Variants in ZNF383 observed in about 807,000 individuals in gnomAD.
ZNF383 encodes zinc finger protein 383.
ZNF383 carries 32 observed loss-of-function variants against 44.2 expected under a neutral mutation model. The observed-to-expected ratio is 0.72, with a 90% CI of 0.55 to 0.97. The LOEUF is 0.97. ZNF383 is among the 50% of genes least tolerant of loss of function. The pLI, the probability that ZNF383 is intolerant of heterozygous loss-of-function variation, is 0.00. For missense variants in ZNF383, 487 were observed against 562.5 expected (o/e 0.87, Z 1.36); for synonymous variants, 155 against 186.2 (o/e 0.83, Z 1.36).
intron 5 of ZNF383, among the ~76,000 whole-genome samples, chr19:37,236,312 C>A (rs931404588): frequency 2.0e-5 from 3 of 151,854 alleles, no homozygotes; most frequent in Non-Finnish European, 4.4e-5. Flanking sequence ...CAGAAGGTAC[C>A]TTTTACTTCT....
At chr19:37,240,251 C>G (rs1974017977) in intron 5 of ZNF383, among the ~76,000 whole-genome samples, 1 of 151,986 alleles carries the variant, frequency 6.6e-6, no homozygotes, top group Non-Finnish European at 1.5e-5. Context: ...TGAGATACTC[C>G]AATAGGCTTC....
In ZNF383 at chr19:37,247,345, C is replaced by A. The variant is rs1482846139; in HGVS notation, c.*3681C>A. On this transcript the variant is annotated 3_prime_UTR_variant, in exon 6 of 6. Coordinates refer to ENST00000684119, the MANE Select transcript of ZNF383 (RefSeq NM_001387601.1). ...GATTCCAGAGGTGAAATAAGGATGA[C>A]AAATAAACAATATTGTATATGAGAA... is the stretch of plus-strand genomic sequence containing the variant. 1 of 151,876 alleles carries A rather than the reference C, an allele frequency of 6.6e-6. No homozygotes were observed. The highest frequency in any genetic ancestry group is 6.6e-5 in the Admixed American group (1 of 15,252). 9.4% of individuals were successfully genotyped at this position (151,876 alleles called of 1,614,324 possible).
intron 5 of ZNF383, among the ~76,000 whole-genome samples, chr19:37,240,007 A>C (rs1300170560): frequency 6.6e-6 from 1 of 152,068 alleles, no homozygotes; most frequent in African/African-American, 2.4e-5. Context: ...AAATACAAAA[A>C]AATTAGCCGG....
rs111482305 is a variant in ZNF383, at chr19:37,235,733, C to T, written c.136+58C>T. On this transcript the variant is annotated intron_variant, in intron 4 of 5. Transcript: ENST00000684119. ...TCCTCTGGAATGTCTCCTTCTTCCA[C>T]AGTGAATTTCTCAGCTGCTTTTCAG... 56 of 1,512,448 alleles carry T rather than the reference C, an allele frequency of 3.7e-5. 2 individuals carry two copies. The African/African-American group carries it at 6.0e-4, about 16-fold the overall frequency. The allele number at this position is 1,512,448 out of a possible 1,614,324, so 93.7% of individuals were successfully genotyped here. A position where few individuals can be genotyped will look rare whatever the true frequency, so the allele number is the denominator to read the frequency against.
At chr19:37,220,090 A>G (rs1972845506) in intron 1 of ZNF383, among the ~76,000 whole-genome samples, 1 of 152,144 alleles carries the variant, frequency 6.6e-6, no homozygotes, top group Non-Finnish European at 1.5e-5. Flanking sequence ...ACCCAGTAAT[A>G]TTTTGATCTA....
At position 37,243,561 on chromosome 19, in the gene ZNF383, G is replaced by A; in HGVS notation, c.1325G>A (p.Arg442Lys). The change falls in exon 6 of 6, where the codon AGA becomes AAA. Residue 442 changes from arginine (R) to lysine (K), a missense_variant. By Grantham distance (26) the Arg-to-Lys change is conservative. Transcript: ENST00000684119. The stretch of plus-strand genomic sequence containing the variant: ...TGCTCAAACCTTACTCGACATCTGA[G>A]AATTCACACTGGTGAAAAGCCCTAT... ...NKCSNLTRHL[R>K]IHTGEKPYNC... 1.2e-6 allele frequency: 2 copies of A among 1,614,102 alleles called. No individual in the cohort carries two copies. Among genetic ancestry groups the A allele is most frequent in the South Asian group, 2.2e-5 (2 of 91,082 alleles).
rs754701892 is a variant in ZNF383, at chr19:37,242,490, C to G, written c.254C>G (p.Thr85Ser). The change falls in exon 6 of 6, where the codon ACC becomes AGC. Residue 85 changes from threonine to serine, a missense_variant. Thr to Ser is a moderately conservative substitution (Grantham distance 58, BLOSUM62 1). Coordinates refer to ENST00000684119, the MANE Select transcript of ZNF383 (RefSeq NM_001387601.1). ...LCSDLESMCE[T>S]KLLSLKKEVY... ...TCAGATCTGGAATCGATGTGTGAAA[C>G]CAAGTTATTATCTCTAAAGAAGGAA... is the stretch of plus-strand genomic sequence containing the variant. The G allele has an allele frequency of 1.3e-6, 2 of 1,593,898 alleles. No individual in the cohort carries two copies. Among genetic ancestry groups the G allele is most frequent in the African/African-American group, 2.7e-5 (2 of 74,208 alleles).
At chr19:37,228,358 A>T (rs1439286880) in intron 2 of ZNF383, among the ~76,000 whole-genome samples, 7 of 151,748 alleles carry the variant, frequency 4.6e-5, no homozygotes, top group Non-Finnish European at 1.0e-4. Context: ...TTTTTAGGTT[A>T]TAATTGTAGA....
chr19:37,237,330 G>C (rs1308226977), intron 5 of ZNF383, among the ~76,000 whole-genome samples: 2 of 152,120 alleles, frequency 1.3e-5, no homozygotes, highest in Non-Finnish European at 2.9e-5. Flanking sequence ...GTGGAGCCTT[G>C]GAAGTGACTG....
rs778392184 is a variant in ZNF383 at position 37,246,671 on chromosome 19, C to T, written c.*3007C>T. Reference sequence around the variant, plus strand: ...AGGCATGGTGTTGCATGCCTGTAATCCTAGCTACTCAAGAGGCTGAGGTGG... The same window carrying T: ...AGGCATGGTGTTGCATGCCTGTAATTCTAGCTACTCAAGAGGCTGAGGTGG... On this transcript the variant is annotated 3_prime_UTR_variant, in exon 6 of 6. Transcript: ENST00000684119. The T allele has an allele frequency of 6.6e-6, 1 of 152,102 alleles. No individual in the cohort carries two copies. The highest frequency in any genetic ancestry group is 2.4e-5 in the African/African-American group (1 of 41,390). The allele number at this position is 152,102 out of a possible 1,614,324, so 9.4% of individuals were successfully genotyped here.
Position 37,243,047 on chromosome 19 carries a change from GACC to G in ZNF383, c.813_815del (p.His272del). ...CTTTAGTTATTGCTCAAATCTTATT[GACC>G]ATCAGCGAATTCACACTGGTGAAAA... On this transcript the variant is annotated inframe_deletion, in exon 6 of 6. Coordinates refer to ENST00000684119, the MANE Select transcript of ZNF383 (RefSeq NM_001387601.1). 4 of 1,613,058 alleles carry G rather than the reference GACC, an allele frequency of 2.5e-6. No individual in the cohort carries two copies. The highest frequency in any genetic ancestry group is 3.4e-6 in the Non-Finnish European group (4 of 1,179,712).
chr19:37,230,283 T>G (rs1186230782), intron 2 of ZNF383, 126 bp from the exon 3 acceptor site: 2 of 605,466 alleles, frequency 3.3e-6, no homozygotes, highest in Non-Finnish European at 6.0e-6. Context: ...TGTTCCATAT[T>G]CCTACTAACT....
intron 3 of ZNF383, among the ~76,000 whole-genome samples, chr19:37,234,477 C>G (rs1415501912): frequency 6.6e-6 from 1 of 152,152 alleles, no homozygotes; most frequent in Non-Finnish European, 1.5e-5. Context: ...CAAGCTCCGC[C>G]TCCCGGATTC....
intron 1 of ZNF383, among the ~76,000 whole-genome samples, chr19:37,221,781 T>TAAAAAA (rs71177434): frequency 7.3e-6 from 1 of 137,188 alleles, no homozygotes. Context: ...CGTCTCTACT[T>TAAAAAA]AAAAAAAAAA....
intron 3 of ZNF383, among the ~76,000 whole-genome samples, chr19:37,231,379 G>T (rs906515253): frequency 6.6e-6 from 1 of 152,060 alleles, no homozygotes; most frequent in Non-Finnish European, 1.5e-5. Context: ...CAGAAAATTA[G>T]CCAGGTGTGG....
At chr19:37,230,579 C>G in intron 3 of ZNF383, 117 bp downstream of exon 3, 1 of 1,129,834 alleles carries the variant, frequency 8.9e-7, no homozygotes, top group Non-Finnish European at 1.3e-6. Flanking sequence ...CTTCAGAATC[C>G]TTGTCCCCAT....
rs368793258 is a variant in ZNF383 at position 37,227,200 on chromosome 19, C to T, written c.-46+2261C>T. Among the ~76,000 whole-genome samples the T allele has an allele frequency of 6.0e-5, 9 of 150,792 alleles. No individual in the cohort carries two copies. In the East Asian group the frequency reaches 1.6e-3, roughly 26 times the overall value. ...CGCAATCTCGGCTCACCGCAACCTCCGCCTCCCAGGTTCAAACGATTATCC... is the reference window on the plus strand; with the variant it reads ...CGCAATCTCGGCTCACCGCAACCTCTGCCTCCCAGGTTCAAACGATTATCC... On this transcript the variant is annotated intron_variant, in intron 2 of 5. Coordinates refer to ENST00000684119, the MANE Select transcript of ZNF383 (RefSeq NM_001387601.1).
intron 1 of ZNF383, among the ~76,000 whole-genome samples, chr19:37,223,990 C>T (rs1262910867): frequency 4.0e-5 from 6 of 151,648 alleles, no homozygotes; most frequent in African/African-American, 1.5e-4. Context: ...GCCAAGATCG[C>T]GCCACTGCAC....
intron 1 of ZNF383, among the ~76,000 whole-genome samples, chr19:37,221,968 A>AAG (rs1972944771): frequency 1.3e-5 from 2 of 151,340 alleles, no homozygotes; most frequent in South Asian, 2.1e-4. Context: ...AAAAAAAAAA[A>AAG]AAAAAGAAAA....
Sources: gnomAD v4.1 joint callset for allele counts (sites outside exome capture counted in the v4.1 genomes callset) on GRCh38, gnomAD v4.1.1 for gene constraint, MANE v1.5 for transcripts, NCBI Gene and HGNC (gene_info 2026-07-23, HGNC 2026-07-21) for gene names.